Variants in NEDD4L observed in about 807,000 individuals in gnomAD.
NEDD4L encodes the protein NEDD4 like E3 ubiquitin protein ligase.
In NEDD4L, 54 loss-of-function variants were observed where a neutral mutation model predicts 148.9. The observed-to-expected ratio is 0.36, with a 90% confidence interval of 0.29 to 0.45. The LOEUF is 0.45. NEDD4L is among the 20% of genes least tolerant of loss of function. NEDD4L has a pLI of 1.00. For synonymous variants in NEDD4L, 433 were observed against 440.7 expected, an observed-to-expected ratio of 0.98 and a Z score of 0.22; for missense variants, 856 against 1,233.8, an observed-to-expected ratio of 0.69 and a Z score of 4.59.
At chr18:58,362,558 C>G (rs1270731648) in intron 19 of NEDD4L, among the ~76,000 whole-genome samples, 2 of 152,180 alleles carry the variant, frequency 1.3e-5, no homozygotes, top group Non-Finnish European at 2.9e-5. Flanking sequence ...TTTTTAGTTC[C>G]TATGGGGTCA....
intron 5 of NEDD4L, chr18:58,255,932 A>G: frequency 2.4e-6 from 3 of 1,231,236 alleles, no homozygotes; most frequent in Non-Finnish European, 3.0e-6. Flanking sequence ...CCTGCAGCGC[A>G]AGGCCACGGA....
At chr18:58,210,026 G>A (rs1217456944) in intron 2 of NEDD4L, among the ~76,000 whole-genome samples, 1 of 152,118 alleles carries the variant, frequency 6.6e-6, no homozygotes, top group East Asian at 1.9e-4. Flanking sequence ...ATTTGGCCGG[G>A]CATGGTGGCT....
Position 58,102,792 on chromosome 18 carries a change from C to T in NEDD4L, c.48+58084C>T, listed in dbSNP as rs902182270. Among the ~76,000 whole-genome samples the T allele has an allele frequency of 2.6e-5, 4 of 152,244 alleles. No homozygotes were observed. The South Asian group carries it at 8.3e-4, about 32-fold the overall frequency. The stretch of plus-strand genomic sequence containing the variant: ...ATCCTATACCATTTTATGTCAGAGA[C>T]TTGAGGATCTGTGAATTTTAGTATC... On this transcript the variant is annotated intron_variant, in intron 1 of 30. Coordinates refer to ENST00000400345, the MANE Select transcript of NEDD4L (RefSeq NM_001144967.3).
intron 2 of NEDD4L, among the ~76,000 whole-genome samples, chr18:58,201,405 A>G (rs911989241): frequency 6.6e-6 from 1 of 152,208 alleles, no homozygotes; most frequent in Non-Finnish European, 1.5e-5. Flanking sequence ...AAAATAGAGA[A>G]GACAACATGA....
intron 2 of NEDD4L, among the ~76,000 whole-genome samples, chr18:58,187,819 CCA>C (rs1206527161): frequency 6.6e-6 from 1 of 152,098 alleles, no homozygotes; most frequent in East Asian, 1.9e-4. Context: ...CCACCGCCCC[CCA>C]CCCCCATGTG....
chr18:58,358,539 C>A (rs1211952703), intron 19 of NEDD4L, among the ~76,000 whole-genome samples: 1 of 152,126 alleles, frequency 6.6e-6, no homozygotes, highest in Admixed American at 6.5e-5. Flanking sequence ...AATTACCGGC[C>A]GTCACTCAAA....
At chr18:58,236,810 G>A (rs2148269619) in intron 2 of NEDD4L, among the ~76,000 whole-genome samples, 1 of 152,274 alleles carries the variant, frequency 6.6e-6, no homozygotes, top group East Asian at 1.9e-4. Flanking sequence ...GATCACCTGA[G>A]GTAGGGAGTT....
chr18:58,361,330 T>TG (rs1269379029), intron 19 of NEDD4L, among the ~76,000 whole-genome samples: 7 of 152,238 alleles, frequency 4.6e-5, no homozygotes, highest in Admixed American at 4.6e-4. Flanking sequence ...AGCATTCCTG[T>TG]AAGTTAGCAT....
At chr18:58,078,540 G>A (rs1042425311) in intron 1 of NEDD4L, among the ~76,000 whole-genome samples, 2 of 152,080 alleles carry the variant, frequency 1.3e-5, no homozygotes, top group Non-Finnish European at 2.9e-5. Flanking sequence ...GAGAATGGGG[G>A]CATTTTTCCT....
At chr18:58,127,056 T>G (rs185290004) in intron 1 of NEDD4L, among the ~76,000 whole-genome samples, 113 of 152,306 alleles carry the variant, frequency 7.4e-4, no homozygotes, top group African/African-American at 2.6e-3. Flanking sequence ...TTGGTCACCT[T>G]CTTCTCTGCT....
chr18:58,326,874 C>T (rs942779781), intron 9 of NEDD4L, among the ~76,000 whole-genome samples: 6 of 152,212 alleles, frequency 3.9e-5, no homozygotes, highest in African/African-American at 1.4e-4. Flanking sequence ...GAAAACACTT[C>T]ATACATTTTA....
chr18:58,120,772 T>C (rs1182840125), intron 1 of NEDD4L, among the ~76,000 whole-genome samples: 1 of 152,000 alleles, frequency 6.6e-6, no homozygotes, highest in East Asian at 1.9e-4. Context: ...AGAGCAAGAC[T>C]CCATCTCAAA....
chr18:58,305,720 C>T (rs2056978555), intron 5 of NEDD4L, among the ~76,000 whole-genome samples: 1 of 152,188 alleles, frequency 6.6e-6, no homozygotes, highest in African/African-American at 2.4e-5. Context: ...GTTCAAAATA[C>T]ATATAATCTT....
intron 5 of NEDD4L, among the ~76,000 whole-genome samples, chr18:58,315,396 A>C (rs981471202): frequency 1.3e-5 from 2 of 151,798 alleles, no homozygotes; most frequent in Non-Finnish European, 2.9e-5. Flanking sequence ...GGAGAGGGAG[A>C]GGCATGGTGT....
chr18:58,145,944 C>G (rs1233877509), intron 1 of NEDD4L, among the ~76,000 whole-genome samples: 1 of 152,058 alleles, frequency 6.6e-6, no homozygotes, highest in Non-Finnish European at 1.5e-5. Flanking sequence ...ATGTTTTTCA[C>G]AGTCATATGG....
intron 1 of NEDD4L, among the ~76,000 whole-genome samples, chr18:58,054,153 T>C (rs2081996600): frequency 6.6e-6 from 1 of 152,248 alleles, no homozygotes. Flanking sequence ...CCTAATCTAT[T>C]TAGAGAATTA....
In NEDD4L at chr18:58,256,232, A is replaced by G. The variant is rs1014271115; in HGVS notation, c.297+4178A>G. 1.2e-5 allele frequency: 15 copies of G among 1,227,548 alleles called. No homozygotes were observed. Among genetic ancestry groups the G allele is most frequent in the Non-Finnish European group, 1.2e-5 (12 of 985,398 alleles). 76.0% of individuals were successfully genotyped at this position (1,227,548 alleles called of 1,614,324 possible). A position where few individuals can be genotyped will look rare whatever the true frequency, so the allele number is the denominator to read the frequency against. On this transcript the variant is annotated intron_variant, in intron 5 of 30. Transcript: ENST00000400345. The surrounding 1 kb of genome is among the most constrained non-coding windows in gnomAD (Gnocchi z 5.2). Reference sequence around the variant, plus strand: ...CCTGCGCATCCAGCACCGCGCCTCCAGCGCCGACGTGCGCCAGGTGAGGCT... The same window carrying G: ...CCTGCGCATCCAGCACCGCGCCTCCGGCGCCGACGTGCGCCAGGTGAGGCT...
chr18:58,093,361 C>T (rs1219079963), intron 1 of NEDD4L, among the ~76,000 whole-genome samples: 1 of 152,178 alleles, frequency 6.6e-6, no homozygotes, highest in Non-Finnish European at 1.5e-5. Context: ...AGACAGTGTA[C>T]TAATCACTCA....
At chr18:58,216,033 G>A (rs937251962) in intron 2 of NEDD4L, among the ~76,000 whole-genome samples, 2 of 151,622 alleles carry the variant, frequency 1.3e-5, no homozygotes, top group African/African-American at 4.9e-5. Flanking sequence ...CCCTGGAAAT[G>A]GGATTCCTAA....
Sources: allele counts gnomAD v4.1 joint callset (sites outside exome capture counted in the v4.1 genomes callset), GRCh38; gene constraint gnomAD v4.1.1; non-coding constraint Gnocchi (gnomAD v3.1); transcripts MANE v1.5; gene names NCBI Gene and HGNC (gene_info 2026-07-23, HGNC 2026-07-21).